The following ZDHHC2 variants were observed in gnomAD, a reference collection of about 807,000 sequenced individuals.
ZDHHC2 encodes the protein palmitoyltransferase ZDHHC2.
Under a neutral mutation model 55.6 loss-of-function variants are expected in ZDHHC2, and 51 were observed. The ratio of observed to expected loss-of-function variants is 0.92; its 90% CI spans 0.73 to 1.16. ZDHHC2 has a LOEUF of 1.16. Among genes scored for constraint, ZDHHC2 ranks in the 50% most tolerant of loss-of-function variants. The pLI, the probability that ZDHHC2 is intolerant of heterozygous loss-of-function variation, is 0.00. For synonymous variants in ZDHHC2, 199 were observed against 152.9 expected (o/e 1.30, Z -2.22); for missense variants, 491 against 442.4 (o/e 1.11, Z -0.99).
chr8:17,207,823 A>T, intron 7 of ZDHHC2, 137 bp from the exon 8 acceptor site: 2 of 645,440 alleles, frequency 3.1e-6, no homozygotes, highest in Non-Finnish European at 4.4e-6. Context: ...CTAAAGTTTT[A>T]ACATAAAGCC....
intron 12 of ZDHHC2, among the ~76,000 whole-genome samples, chr8:17,219,801 C>CA (rs1807831806): frequency 6.6e-6 from 1 of 152,004 alleles, no homozygotes; most frequent in Non-Finnish European, 1.5e-5. Flanking sequence ...CAAAACAAAA[C>CA]AAAGCTGTGC....
At chr8:17,179,353 C>T (rs140603988) in intron 1 of ZDHHC2, among the ~76,000 whole-genome samples, 48 of 152,294 alleles carry the variant, frequency 3.2e-4, no homozygotes, top group African/African-American at 9.6e-4. Context: ...AGCTTTGTAG[C>T]ATCGATGATG....
In ZDHHC2 at chr8:17,224,631, C is replaced by T. The variant is rs1040787540; in HGVS notation, c.*4410C>T. 1 of 151,568 alleles carries T rather than the reference C, an allele frequency of 6.6e-6. No homozygotes were observed. Among genetic ancestry groups the T allele is most frequent in the East Asian group, 1.9e-4 (1 of 5,164 alleles). The allele number at this position is 151,568 out of a possible 1,614,324, so 9.4% of individuals were successfully genotyped here. A position where few individuals can be genotyped will look rare whatever the true frequency, so the allele number is the denominator to read the frequency against. Reference sequence around the variant, plus strand: ...CGCATAATGCTTCAAGGTAAAATTCCGTTGATTCTGAATTTAAAAAGATAC... The same window carrying T: ...CGCATAATGCTTCAAGGTAAAATTCTGTTGATTCTGAATTTAAAAAGATAC... On this transcript the variant is annotated 3_prime_UTR_variant, in exon 13 of 13. Transcript: ENST00000262096.
In ZDHHC2 at chr8:17,221,349, A is replaced by G. The variant is rs1807908684; in HGVS notation, c.*1128A>G. 1 of 152,594 alleles carries G rather than the reference A, an allele frequency of 6.6e-6. No homozygotes were observed. Among genetic ancestry groups the G allele is most frequent in the Admixed American group, 6.5e-5 (1 of 15,276 alleles). The allele number at this position is 152,594 out of a possible 1,614,324, so 9.5% of individuals were successfully genotyped here. A position where few individuals can be genotyped will look rare whatever the true frequency, so the allele number is the denominator to read the frequency against. On this transcript the variant is annotated 3_prime_UTR_variant, in exon 13 of 13. Transcript: ENST00000262096. ...TGTTGATGCCAGAATGTTCAGCTTC[A>G]GTAAATATAATAAGCTCTTGTGCCT...
At position 17,156,736 on chromosome 8, in the gene ZDHHC2, G is replaced by A. The variant is rs1351599174; in HGVS notation, c.13G>A (p.Gly5Ser). 1 of 1,487,550 alleles carries A rather than the reference G, an allele frequency of 6.7e-7. No homozygotes were observed. Among genetic ancestry groups the A allele is most frequent in the East Asian group, 2.9e-5 (1 of 33,932 alleles). The allele number at this position is 1,487,550 out of a possible 1,614,324, so 92.1% of individuals were successfully genotyped here. A position where few individuals can be genotyped will look rare whatever the true frequency, so the allele number is the denominator to read the frequency against. Residue 5 changes from glycine to serine, a missense_variant, in exon 1 of 13, where the codon GGC (glycine) becomes AGC (serine). By Grantham distance (56) the Gly-to-Ser change is moderately conservative. Coordinates refer to ENST00000262096, the MANE Select transcript of ZDHHC2 (RefSeq NM_016353.5). ...ATGCGGCTGGAAGATGGCGCCCTCGGGCCCGGGCAGCAGCGCCAGGCGGCG... is the reference window on the plus strand; with the variant it reads ...ATGCGGCTGGAAGATGGCGCCCTCGAGCCCGGGCAGCAGCGCCAGGCGGCG... MAPS[G>S]PGSSARRRCR... is the part of the protein sequence containing the mutation.
chr8:17,177,107 C>T (rs1805177260), intron 1 of ZDHHC2, among the ~76,000 whole-genome samples: 1 of 152,106 alleles, frequency 6.6e-6, no homozygotes, highest in African/African-American at 2.4e-5. Flanking sequence ...GTTCCCCTGG[C>T]CAATTTTGTC....
chr8:17,164,900 G>A (rs1266744264), intron 1 of ZDHHC2, among the ~76,000 whole-genome samples: 3 of 152,170 alleles, frequency 2.0e-5, no homozygotes, highest in Non-Finnish European at 4.4e-5. Context: ...TGGAGTAAGG[G>A]TGAGTACATG....
intron 11 of ZDHHC2, among the ~76,000 whole-genome samples, chr8:17,216,173 CCTT>C (rs768893774): frequency 1.3e-5 from 2 of 152,152 alleles, no homozygotes; most frequent in Non-Finnish European, 2.9e-5. Context: ...AACCTTTTCT[CCTT>C]CGTTTCTAGT....
intron 1 of ZDHHC2, among the ~76,000 whole-genome samples, chr8:17,181,009 T>C (rs992907669): frequency 2.6e-5 from 4 of 152,212 alleles, no homozygotes; most frequent in African/African-American, 9.6e-5. Context: ...GTCTTCTCCC[T>C]CTCTCCTCTC....
In ZDHHC2 at chr8:17,156,655, C is replaced by T. The variant is rs956211080; in HGVS notation, c.-69C>T. ...GCCCGTCCAGCCAGGGGTGCCGGGC[C>T]CGCCCAGCCCGCCCCGGAGCCAGGC... is the stretch of plus-strand genomic sequence containing the variant. On this transcript the variant is annotated 5_prime_UTR_variant, in exon 1 of 13. Transcript: ENST00000262096. 4.3e-6 allele frequency: 5 copies of T among 1,150,632 alleles called. No individual in the cohort carries two copies. The highest frequency in any genetic ancestry group is 4.9e-5 in the Admixed American group (1 of 20,406). The allele number at this position is 1,150,632 out of a possible 1,614,324, so 71.3% of individuals were successfully genotyped here. A position where few individuals can be genotyped will look rare whatever the true frequency, so the allele number is the denominator to read the frequency against.
chr8:17,219,813 T>G (rs1373448428), intron 12 of ZDHHC2, among the ~76,000 whole-genome samples: 3 of 152,056 alleles, frequency 2.0e-5, no homozygotes, highest in Non-Finnish European at 4.4e-5. Flanking sequence ...AAGCTGTGCT[T>G]CTATGCACAT....
At chr8:17,184,518 G>A (rs73669030) in intron 1 of ZDHHC2, among the ~76,000 whole-genome samples, 108 of 152,324 alleles carry the variant, frequency 7.1e-4, no homozygotes, top group African/African-American at 2.2e-3. Flanking sequence ...AATAAGACCC[G>A]CAAGGGGCAC....
At chr8:17,176,606 G>C (rs1009546388) in intron 1 of ZDHHC2, among the ~76,000 whole-genome samples, 2 of 152,122 alleles carry the variant, frequency 1.3e-5, no homozygotes, top group African/African-American at 4.8e-5. Flanking sequence ...ATATTGGGAG[G>C]ATTGGGCTGG....
chr8:17,166,851 T>G (rs1804625550), intron 1 of ZDHHC2, among the ~76,000 whole-genome samples: 1 of 152,158 alleles, frequency 6.6e-6, no homozygotes, highest in African/African-American at 2.4e-5. Context: ...ACCCTTGTTT[T>G]GAACTTATTA....
At chr8:17,207,570 A>T (rs1030669013) in intron 7 of ZDHHC2, among the ~76,000 whole-genome samples, 3 of 152,170 alleles carry the variant, frequency 2.0e-5, no homozygotes, top group Non-Finnish European at 4.4e-5. Context: ...CATTATAATG[A>T]AACTATTTAA....
chr8:17,208,164 G>C, intron 8 of ZDHHC2, 72 bp downstream of exon 8: 1 of 1,400,186 alleles, frequency 7.1e-7, no homozygotes, highest in Non-Finnish European at 9.4e-7. Context: ...GTTGCTATGT[G>C]ATTAAATGCC....
chr8:17,214,535 C>T (rs1471128612), intron 10 of ZDHHC2, among the ~76,000 whole-genome samples: 1 of 152,106 alleles, frequency 6.6e-6, no homozygotes, highest in African/African-American at 2.4e-5. Context: ...TTTAAATTGG[C>T]ACTTATGCTT....
At chr8:17,184,314 A>G (rs2904668) in intron 1 of ZDHHC2, among the ~76,000 whole-genome samples, 13,129 of 152,210 alleles carry the variant, frequency 0.086, 673 homozygotes, top group South Asian at 0.24. Flanking sequence ...GTGCATAAGC[A>G]TTTGTACTTT....
At chr8:17,216,560 A>G (rs1365167664) in intron 11 of ZDHHC2, among the ~76,000 whole-genome samples, 1 of 152,136 alleles carries the variant, frequency 6.6e-6, no homozygotes, top group Non-Finnish European at 1.5e-5. Context: ...AGAGGCAGAG[A>G]AGTGATAAAT....
Sources: gnomAD v4.1 joint callset for allele counts (sites outside exome capture counted in the v4.1 genomes callset) on GRCh38, gnomAD v4.1.1 for gene constraint, MANE v1.5 for transcripts, NCBI Gene and HGNC (gene_info 2026-07-23, HGNC 2026-07-21) for gene names.